The following POLQ variants were observed in gnomAD, a reference collection of about 807,000 sequenced individuals.
The protein encoded by POLQ is epididymis secretory sperm binding protein.
In POLQ, 233 loss-of-function variants were observed where a neutral mutation model predicts 259.2. That is an observed-to-expected ratio of 0.90 (90% CI 0.81 to 1.00). The LOEUF is 1.00. POLQ is among the 50% of genes least tolerant of loss of function. POLQ has a pLI of 0.00. For synonymous variants in POLQ, 1,025 were observed against 1,048.8 expected, an observed-to-expected ratio of 0.98 and a Z score of 0.44; for missense variants, 2,871 against 3,051.6, an observed-to-expected ratio of 0.94 and a Z score of 1.39.
intron 9 of POLQ, among the ~76,000 whole-genome samples, chr3:121,513,135 T>A (rs1011210769): frequency 2.0e-5 from 3 of 151,976 alleles, no homozygotes; most frequent in Non-Finnish European, 2.9e-5. Flanking sequence ...CTTTTTTTTT[T>A]AAATAAAACT....
In POLQ at chr3:121,471,378, T is replaced by G. The variant is rs1369026700; in HGVS notation, c.6718+612A>C. ...TAGATAAGACCACTGACTCAAATAT[T>G]TAATTCCTGTGTATACTCACATTGA... is the stretch of plus-strand genomic sequence containing the variant. On this transcript the variant is annotated intron_variant, in intron 22 of 29. Transcript: ENST00000264233. Among the ~76,000 whole-genome samples the G allele has an allele frequency of 2.6e-5, 4 of 152,208 alleles. No homozygotes were observed. In the East Asian group the frequency reaches 7.7e-4, roughly 29 times the overall value.
At chr3:121,459,106 C>T (rs550015140) in intron 25 of POLQ, among the ~76,000 whole-genome samples, 1 of 152,202 alleles carries the variant, frequency 6.6e-6, no homozygotes, top group South Asian at 2.1e-4. Flanking sequence ...TTACTCTTTG[C>T]CTAATAGTTA....
At chr3:121,455,580 C>T (rs1179866994) in intron 25 of POLQ, among the ~76,000 whole-genome samples, 2 of 151,730 alleles carry the variant, frequency 1.3e-5, no homozygotes, top group African/African-American at 4.8e-5. Context: ...GAAATACAAA[C>T]TACCATCAGA....
intron 12 of POLQ, among the ~76,000 whole-genome samples, chr3:121,507,167 T>C (rs2048214846): frequency 6.6e-6 from 1 of 152,234 alleles, no homozygotes; most frequent in South Asian, 2.1e-4. Context: ...CAGACTTCTC[T>C]GACTATTCCT....
chr3:121,528,247 A>G (rs1465205485), intron 7 of POLQ, among the ~76,000 whole-genome samples: 1 of 151,602 alleles, frequency 6.6e-6, no homozygotes, highest in Non-Finnish European at 1.5e-5. Context: ...TTATCCTCCC[A>G]TGTAGGTAGG....
intron 14 of POLQ, among the ~76,000 whole-genome samples, chr3:121,495,212 G>A (rs2048108426): frequency 6.6e-6 from 1 of 151,904 alleles, no homozygotes; most frequent in Non-Finnish European, 1.5e-5. Flanking sequence ...CGGGGGTTGT[G>A]GTGAGCCGAG....
At chr3:121,466,485 G>C (rs1433391748) in intron 24 of POLQ, among the ~76,000 whole-genome samples, 22 of 152,032 alleles carry the variant, frequency 1.4e-4, no homozygotes, top group Admixed American at 1.4e-3. Flanking sequence ...GAAGTTGGGA[G>C]TTCGAGACCA....
intron 22 of POLQ, among the ~76,000 whole-genome samples, chr3:121,470,036 G>C (rs918174410): frequency 3.3e-5 from 5 of 152,172 alleles, no homozygotes; most frequent in African/African-American, 9.6e-5. Flanking sequence ...TGGGCGTGGT[G>C]GCTAATGCCT....
At position 121,544,120 on chromosome 3, in the gene POLQ, T is replaced by C. The variant is rs2048511134; in HGVS notation, c.343+607A>G. On this transcript the variant is annotated intron_variant, in intron 2 of 29. Transcript: ENST00000264233. ...CTATAATCCCAGCACTTTGGGAGGC[T>C]AAGGTAGGCAGATCACTTGTCAGAA... 2.6e-5 allele frequency among the ~76,000 whole-genome samples: 4 copies of C among 152,126 alleles called. No homozygotes were observed. The South Asian group carries it at 8.3e-4, about 31-fold the overall frequency.
intron 28 of POLQ, among the ~76,000 whole-genome samples, chr3:121,434,022 C>G (rs1268860714): frequency 1.3e-5 from 2 of 152,226 alleles, no homozygotes; most frequent in Non-Finnish European, 2.9e-5. Flanking sequence ...AAGGCTGTAC[C>G]TCTGTTCACC....
intron 2 of POLQ, among the ~76,000 whole-genome samples, chr3:121,544,004 T>A (rs995376786): frequency 2.0e-5 from 3 of 150,446 alleles, no homozygotes; most frequent in African/African-American, 7.3e-5. Context: ...AGAAAACCCA[T>A]AAAAATTTTA....
Position 121,481,815 on chromosome 3 carries a change from G to GA in POLQ, c.5971-4dup. 6.2e-7 allele frequency: 1 copy of GA among 1,606,370 alleles called. No homozygotes were observed. Among genetic ancestry groups the GA allele is most frequent in the Non-Finnish European group, 8.5e-7 (1 of 1,175,046 alleles). The stretch of plus-strand genomic sequence containing the variant: ...GGATCTAGTAACCAGCATGCCACCT[G>GA]AATGGGATAGCAATGAGAATATTTT... On this transcript the variant is annotated splice_region_variant and splice_polypyrimidine_tract_variant and intron_variant, in intron 18 of 29. Coordinates refer to ENST00000264233, the MANE Select transcript of POLQ (RefSeq NM_199420.4).
chr3:121,472,192 A>C, intron 21 of POLQ, 28 bp from the exon 22 acceptor site: 1 of 1,134,306 alleles, frequency 8.8e-7, no homozygotes, highest in African/African-American at 1.6e-5. Flanking sequence ...GGTAAGATTG[A>C]ATTCTTGTCC....
intron 25 of POLQ, among the ~76,000 whole-genome samples, chr3:121,457,172 G>A (rs1024862557): frequency 2.0e-5 from 3 of 152,150 alleles, no homozygotes; most frequent in African/African-American, 4.8e-5. Flanking sequence ...GGGAAAACTG[G>A]CTAGCCATAT....
rs142859589 is a variant in POLQ at position 121,511,986 on chromosome 3, G to A, written c.1512C>T (p.Gly504=). The change falls in exon 10 of 30, where the codon GGC becomes GGT. Residue 504 remains glycine, a synonymous_variant. Transcript: ENST00000264233. ...TTAGAGAACCCTGAAGGAGAGCTAT[G>A]CCTTTTGATTTCTCAGAGTTCTTAC... ...LICKNSEKSK[G]IALLQGSLKP... 3.5e-5 allele frequency: 57 copies of A among 1,613,288 alleles called. No individual in the cohort carries two copies. The African/African-American group carries it at 7.6e-4, about 22-fold the overall frequency.
chr3:121,530,985 C>T lies in POLQ; in HGVS notation c.961-1193G>A, dbSNP rs923449546. Among the ~76,000 whole-genome samples the T allele has an allele frequency of 2.0e-5, 3 of 152,134 alleles. No individual in the cohort carries two copies. The East Asian group carries it at 5.8e-4, about 29-fold the overall frequency. On this transcript the variant is annotated intron_variant, in intron 6 of 29. Transcript: ENST00000264233. ...AGGCCGAGGCCTGAGGTCAGGAGCTCGAGACCAGCCTGACCAACATGGAGA... is the reference window on the plus strand; with the variant it reads ...AGGCCGAGGCCTGAGGTCAGGAGCTTGAGACCAGCCTGACCAACATGGAGA...
chr3:121,518,756 TTTG>T (rs1488240224), intron 9 of POLQ, among the ~76,000 whole-genome samples: 1 of 90,316 alleles, frequency 1.1e-5, no homozygotes, highest in African/African-American at 3.4e-5. Context: ...GTTTGCCTGT[TTTG>T]TTTTTTTTTG....
chr3:121,441,528 AT>A (rs1458408989), intron 26 of POLQ, among the ~76,000 whole-genome samples: 2 of 152,194 alleles, frequency 1.3e-5, no homozygotes, highest in African/African-American at 4.8e-5. Context: ...TAAGGAAAAC[AT>A]TTTTAAGAAT....
At chr3:121,525,088 T>C (rs2048363469) in intron 7 of POLQ, among the ~76,000 whole-genome samples, 1 of 152,100 alleles carries the variant, frequency 6.6e-6, no homozygotes, top group Admixed American at 6.5e-5. Flanking sequence ...ACAACTGTAA[T>C]CCCAGCACTT....
Sources: allele counts gnomAD v4.1 joint callset (sites outside exome capture counted in the v4.1 genomes callset), GRCh38; gene constraint gnomAD v4.1.1; transcripts MANE v1.5; gene names NCBI Gene and HGNC (gene_info 2026-07-23, HGNC 2026-07-21).